The following PPM1H variants were observed in gnomAD, a reference collection of about 807,000 sequenced individuals.
PPM1H encodes protein phosphatase, Mg2+/Mn2+ dependent 1H, also known as protein phosphatase 1H.
A neutral mutation model predicts 54.9 loss-of-function variants in PPM1H; 27 were observed. The observed-to-expected ratio is 0.49, with a 90% CI of 0.36 to 0.68. The LOEUF (loss-of-function observed/expected upper bound fraction) is 0.68, where lower values mean the gene tolerates loss of function less well. PPM1H is among the 30% of genes least tolerant of loss of function. PPM1H has a pLI of 0.00. For missense variants in PPM1H, 596 were observed against 667.8 expected (o/e 0.89, Z 1.19); for synonymous variants, 305 against 270.8 (o/e 1.13, Z -1.24).
chr12:62,790,558 C>T (rs545515701), intron 3 of PPM1H, among the ~76,000 whole-genome samples: 23 of 152,142 alleles, frequency 1.5e-4, no homozygotes, highest in East Asian at 3.9e-4. Flanking sequence ...GGTGACAGAG[C>T]GAGACCCTGT....
chr12:62,759,886 G>A (rs372663823), intron 4 of PPM1H, among the ~76,000 whole-genome samples: 2 of 150,280 alleles, frequency 1.3e-5, no homozygotes, highest in East Asian at 4.0e-4. Flanking sequence ...TTCCTGGGGG[G>A]CAAGCACCTC....
intron 5 of PPM1H, among the ~76,000 whole-genome samples, chr12:62,727,805 C>T (rs545060283): frequency 2.0e-5 from 3 of 151,912 alleles, no homozygotes; most frequent in East Asian, 3.9e-4. Flanking sequence ...GGACTACATG[C>T]GTGCGCCACC....
chr12:62,900,383 G>A (rs940794395), intron 1 of PPM1H, among the ~76,000 whole-genome samples: 8 of 151,084 alleles, frequency 5.3e-5, no homozygotes, highest in African/African-American at 1.9e-4. Flanking sequence ...ACAGGGGCCT[G>A]TTGTGGGGTG....
intron 1 of PPM1H, among the ~76,000 whole-genome samples, chr12:62,923,000 T>C (rs186152516): frequency 2.0e-5 from 3 of 152,326 alleles, no homozygotes; most frequent in Admixed American, 2.0e-4. Context: ...GAAGCTCAAC[T>C]ATGTGGATGC....
chr12:62,675,727 A>C (rs1429475250), intron 8 of PPM1H, among the ~76,000 whole-genome samples: 3 of 152,236 alleles, frequency 2.0e-5, no homozygotes, highest in Non-Finnish European at 4.4e-5. Context: ...ACAAATAATA[A>C]AATGACTGCT....
At chr12:62,726,670 G>A (rs1251685601) in intron 5 of PPM1H, among the ~76,000 whole-genome samples, 5 of 152,252 alleles carry the variant, frequency 3.3e-5, no homozygotes, top group African/African-American at 4.8e-5. Flanking sequence ...TGTTTTGTCC[G>A]CAAACGCAGA....
chr12:62,702,112 G>A (rs1200828629), intron 6 of PPM1H, among the ~76,000 whole-genome samples: 1 of 152,086 alleles, frequency 6.6e-6, no homozygotes, highest in African/African-American at 2.4e-5. Flanking sequence ...CTTTTCTATG[G>A]CTAATATTCA....
In PPM1H at chr12:62,651,664, T is replaced by C. The variant is rs536246812; in HGVS notation, c.1398-3028A>G. On this transcript the variant is annotated intron_variant, in intron 9 of 9. Coordinates refer to ENST00000228705, the MANE Select transcript of PPM1H (RefSeq NM_020700.2). ...GATTGGTTCTCTCTTCACCATCCAC[T>C]CTGTTTTCCCTTAGGTGCTTAACTT... 3.3e-5 allele frequency among the ~76,000 whole-genome samples: 5 copies of C among 152,322 alleles called. No homozygotes were observed. In the South Asian group the frequency reaches 1.0e-3, roughly 32 times the overall value.
At chr12:62,780,332 C>T (rs1055936349) in intron 4 of PPM1H, among the ~76,000 whole-genome samples, 1 of 152,158 alleles carries the variant, frequency 6.6e-6, no homozygotes, top group East Asian at 1.9e-4. Context: ...GACAGGGTCT[C>T]ACTCTGTCAC....
intron 1 of PPM1H, among the ~76,000 whole-genome samples, chr12:62,910,241 C>T (rs7962536): frequency 0.26 from 38,904 of 152,064 alleles, 5,237 homozygotes; most frequent in African/African-American, 0.33. Context: ...CAAGACCATA[C>T]GAGGTGCTGT....
intron 1 of PPM1H, among the ~76,000 whole-genome samples, chr12:62,915,045 G>A (rs1401810409): frequency 6.6e-6 from 1 of 152,258 alleles, no homozygotes; most frequent in Non-Finnish European, 1.5e-5. Context: ...AATTCTTTGT[G>A]GCTGCTCACT....
At chr12:62,867,420 T>C (rs1869815238) in intron 1 of PPM1H, among the ~76,000 whole-genome samples, 1 of 152,098 alleles carries the variant, frequency 6.6e-6, no homozygotes, top group Non-Finnish European at 1.5e-5. Context: ...ACTTTCCTTC[T>C]GAATTCACCT....
intron 8 of PPM1H, among the ~76,000 whole-genome samples, chr12:62,676,487 G>A (rs1270042388): frequency 2.6e-5 from 4 of 152,182 alleles, no homozygotes; most frequent in African/African-American, 7.2e-5. Context: ...GCAGACCCAG[G>A]CATCCCTATG....
rs1308315244 is a variant in PPM1H at position 62,646,354 on chromosome 12, C to T, written c.*2135G>A. 2.0e-5 allele frequency: 3 copies of T among 152,126 alleles called. No individual in the cohort carries two copies. The East Asian group carries it at 5.8e-4, about 29-fold the overall frequency. 9.4% of individuals were successfully genotyped at this position (152,126 alleles called of 1,614,324 possible). A position where few individuals can be genotyped will look rare whatever the true frequency, so the allele number is the denominator to read the frequency against. ...TGGCTTGAATAAAACTGGAGAAGCTCAAGGTAGGGCCCAGATAGAGGCCCA... is the reference window on the plus strand; with the variant it reads ...TGGCTTGAATAAAACTGGAGAAGCTTAAGGTAGGGCCCAGATAGAGGCCCA... On this transcript the variant is annotated 3_prime_UTR_variant, in exon 10 of 10. Transcript: ENST00000228705.
intron 9 of PPM1H, among the ~76,000 whole-genome samples, chr12:62,665,388 T>A (rs955923558): frequency 9.2e-5 from 14 of 152,170 alleles, no homozygotes; most frequent in African/African-American, 3.4e-4. Flanking sequence ...TTCCAGAGAT[T>A]TGTCAGGCTT....
At chr12:62,893,385 G>C (rs1390982012) in intron 1 of PPM1H, among the ~76,000 whole-genome samples, 2 of 152,102 alleles carry the variant, frequency 1.3e-5, no homozygotes, top group Non-Finnish European at 2.9e-5. Context: ...GCATGTCTGT[G>C]TACTAATCTC....
At chr12:62,914,258 C>A (rs1009100329) in intron 1 of PPM1H, among the ~76,000 whole-genome samples, 1 of 152,198 alleles carries the variant, frequency 6.6e-6, no homozygotes, top group Non-Finnish European at 1.5e-5. Context: ...GTGACCTCTG[C>A]ACATGCTGGC....
At chr12:62,824,569 C>A (rs1160908011) in intron 2 of PPM1H, among the ~76,000 whole-genome samples, 1 of 152,172 alleles carries the variant, frequency 6.6e-6, no homozygotes, top group African/African-American at 2.4e-5. Context: ...ACCAATGAAA[C>A]AGAACAGAAC....
At chr12:62,921,658 A>G (rs1241987510) in intron 1 of PPM1H, among the ~76,000 whole-genome samples, 1 of 152,176 alleles carries the variant, frequency 6.6e-6, no homozygotes, top group African/African-American at 2.4e-5. Context: ...GGTGGTGCCC[A>G]CTCACAATTC....
Sources: gnomAD v4.1 joint callset for allele counts (sites outside exome capture counted in the v4.1 genomes callset) on GRCh38, gnomAD v4.1.1 for gene constraint, MANE v1.5 for transcripts, NCBI Gene and HGNC (gene_info 2026-07-23, HGNC 2026-07-21) for gene names.